The following HSD17B14 variants were observed in gnomAD, a reference collection of about 807,000 sequenced individuals.
HSD17B14 encodes the protein L-fucose dehydrogenase.
In HSD17B14, 32 loss-of-function variants were observed where a neutral mutation model predicts 32.2. That is an observed-to-expected ratio of 0.99 (90% CI 0.75 to 1.33). HSD17B14 has a LOEUF of 1.33. Among genes scored for constraint, HSD17B14 ranks in the 40% most tolerant of loss-of-function variants. HSD17B14 has a pLI of 0.00. For synonymous variants in HSD17B14, 140 were observed against 155.4 expected, an observed-to-expected ratio of 0.90 and a Z score of 0.74; for missense variants, 370 against 366.5, an observed-to-expected ratio of 1.01 and a Z score of -0.08.
At chr19:48,816,282 G>T (rs768776606) in intron 5 of HSD17B14, among the ~76,000 whole-genome samples, 10 of 152,190 alleles carry the variant, frequency 6.6e-5, no homozygotes, top group African/African-American at 2.4e-4. Context: ...CAGGCTCTCC[G>T]AGTGGGAATC....
At chr19:48,817,281 C>T (rs971156798) in intron 5 of HSD17B14, among the ~76,000 whole-genome samples, 1 of 151,006 alleles carries the variant, frequency 6.6e-6, no homozygotes, top group Non-Finnish European at 1.5e-5. Flanking sequence ...AGGTTCAAGC[C>T]CTTCTCCTGC....
chr19:48,831,356 C>T lies in HSD17B14; in HGVS notation c.369+312G>A, dbSNP rs117246119. 7.8e-3 allele frequency among the ~76,000 whole-genome samples: 1,193 copies of T among 152,218 alleles called. 4 individuals are homozygous for T. Among genetic ancestry groups the T allele is most frequent in the Non-Finnish European group, 0.013 (887 of 68,030 alleles). On this transcript the variant is annotated intron_variant, in intron 5 of 8. Coordinates refer to ENST00000263278, the MANE Select transcript of HSD17B14 (RefSeq NM_016246.3). ...ATCCCAGCACTTTGGAAGGCCAAGG[C>T]AGGCAGATCACTTGCAGTCAGAAGC...
Position 48,813,254 on chromosome 19 carries a change from A to G in HSD17B14, c.734T>C (p.Val245Ala). 6.2e-7 allele frequency: 1 copy of G among 1,609,012 alleles called. No individual in the cohort carries two copies. The highest frequency in any genetic ancestry group is 8.5e-7 in the Non-Finnish European group (1 of 1,177,876). ...GTACCCCAGCTCTGCACCCCCCGTC[A>G]CGAGCAGTTCAATGCCCGTGCAGAA... ...ANFCTGIELL[V>A]TGGAELGYGC... The change falls in exon 9 of 9, where the codon GTG becomes GCG. Residue 245 changes from valine to alanine, a missense_variant. Transcript: ENST00000263278.
At position 48,813,233 on chromosome 19, in the gene HSD17B14, C is replaced by T; in HGVS notation, c.755G>A (p.Gly252Glu). ...ELLVTGGAEL[G>E]YGCKASRSTP... ...GCTCCGACTGGCCTTGCACCCGTAC[C>T]CCAGCTCTGCACCCCCCGTCACGAG... The change falls in exon 9 of 9, where the codon GGG (glycine) becomes GAG (glutamate). Residue 252 changes from glycine (G) to glutamate (E), a missense_variant. Gly to Glu is a moderately conservative substitution (Grantham distance 98, BLOSUM62 -2). Transcript: ENST00000263278. 6.2e-7 allele frequency: 1 copy of T among 1,611,134 alleles called. No individual in the cohort carries two copies. Among genetic ancestry groups the T allele is most frequent in the Non-Finnish European group, 8.5e-7 (1 of 1,178,972 alleles).
intron 5 of HSD17B14, among the ~76,000 whole-genome samples, chr19:48,825,169 T>C (rs1224183657): frequency 7.3e-6 from 1 of 136,258 alleles, no homozygotes. Flanking sequence ...ACCCAGCAGG[T>C]GGAGGTTGCC....
chr19:48,824,793 GA>G, intron 5 of HSD17B14, among the ~76,000 whole-genome samples: 1 of 133,414 alleles, frequency 7.5e-6, no homozygotes, highest in African/African-American at 2.9e-5. Flanking sequence ...AAGAAAGAAA[GA>G]AAGAAAAGAA....
intron 5 of HSD17B14, among the ~76,000 whole-genome samples, chr19:48,822,380 T>TGGTAA (rs1326218863): frequency 1.5e-5 from 2 of 135,260 alleles, no homozygotes; most frequent in African/African-American, 2.8e-5. Context: ...GCTGATGTTG[T>TGGTAA]TGATGGTGAT....
At chr19:48,814,942 G>A in intron 6 of HSD17B14, 95 bp downstream of exon 6, 1 of 876,226 alleles carries the variant, frequency 1.1e-6, no homozygotes, top group Admixed American at 2.0e-5. Context: ...CTAGGGCCAA[G>A]ATCTTGCTAG....
At chr19:48,820,455 G>C (rs572184807) in intron 5 of HSD17B14, among the ~76,000 whole-genome samples, 3 of 151,978 alleles carry the variant, frequency 2.0e-5, no homozygotes, top group Non-Finnish European at 2.9e-5. Flanking sequence ...GGGTGAAAGA[G>C]TGAGACACCA....
chr19:48,826,528 A>AAAAAAAAAAAATATATAT (rs777368104), intron 5 of HSD17B14, among the ~76,000 whole-genome samples: 6 of 23,094 alleles, frequency 2.6e-4, no homozygotes, highest in Non-Finnish European at 4.3e-4. Context: ...AAAAGAAGAA[A>AAAAAAAAAAAATATATAT]ATATATATAT....
chr19:48,815,256 C>T (rs2035032535), intron 5 of HSD17B14, 115 bp from the exon 6 acceptor site: 2 of 759,632 alleles, frequency 2.6e-6, no homozygotes, highest in Non-Finnish European at 4.6e-6. Context: ...TGGCATGTTT[C>T]TAGTTGATCT....
intron 5 of HSD17B14, among the ~76,000 whole-genome samples, chr19:48,817,202 G>C (rs1484292407): frequency 6.8e-6 from 1 of 148,080 alleles, no homozygotes; most frequent in Non-Finnish European, 1.5e-5. Flanking sequence ...TTTTGAGACA[G>C]AGTCTCACTC....
chr19:48,821,248 C>T (rs576294801), intron 5 of HSD17B14, among the ~76,000 whole-genome samples: 3 of 151,982 alleles, frequency 2.0e-5, no homozygotes, highest in East Asian at 3.9e-4. Context: ...CTCCCGACCT[C>T]GTGATCCACC....
intron 5 of HSD17B14, among the ~76,000 whole-genome samples, chr19:48,824,802 G>T (rs1251495053): frequency 6.7e-6 from 1 of 149,044 alleles, no homozygotes; most frequent in African/African-American, 2.5e-5. Context: ...AGAAAGAAAA[G>T]AAAAGAACAA....
intron 8 of HSD17B14, 53 bp downstream of exon 8, chr19:48,813,403 G>A: frequency 1.3e-6 from 2 of 1,557,788 alleles, no homozygotes; most frequent in Non-Finnish European, 1.7e-6. Context: ...TGATCGCCAT[G>A]CCCCCCACCC....
At chr19:48,818,318 G>A (rs485953) in intron 5 of HSD17B14, among the ~76,000 whole-genome samples, 77,384 of 121,038 alleles carry the variant, frequency 0.64, 21,515 homozygotes, top group African/African-American at 0.73. Context: ...CAAAAAAAAA[G>A]AAAAAAGAAA....
chr19:48,822,178 ATGG>A (rs1171822897), intron 5 of HSD17B14, among the ~76,000 whole-genome samples: 1 of 140,882 alleles, frequency 7.1e-6, no homozygotes, highest in Non-Finnish European at 1.5e-5. Flanking sequence ...GATGGTGATG[ATGG>A]TGGTAATGAT....
rs765221767 is a variant in HSD17B14, at chr19:48,832,747, A to AAT, written c.211-17_211-16dup. 2 of 1,603,236 alleles carry AAT rather than the reference A, an allele frequency of 1.2e-6. No homozygotes were observed. The highest frequency in any genetic ancestry group is 1.7e-6 in the Non-Finnish European group (2 of 1,174,980). On this transcript the variant is annotated splice_polypyrimidine_tract_variant and intron_variant, in intron 3 of 8. Transcript: ENST00000263278. ...GAAACCAGGGTCTGAGGAGAAAGGAAATGTCCTTTGTTTTTTTTTTTTGGA... is the reference window on the plus strand; with the variant it reads ...GAAACCAGGGTCTGAGGAGAAAGGAAATATGTCCTTTGTTTTTTTTTTTTGGA...
At position 48,832,699 on chromosome 19, in the gene HSD17B14, G is replaced by A. The variant is rs781248545; in HGVS notation, c.244C>T (p.Arg82Cys). Reference protein sequence around the residue: ...LVSETIRRFGRLDCVVNNAGH... With the variant: ...LVSETIRRFGCLDCVVNNAGH... ...GCGTTGTTGACAACACAATCCAGGCGGCCAAATCGGCGGATGGTCTCAGAA... is the reference window on the plus strand; with the variant it reads ...GCGTTGTTGACAACACAATCCAGGCAGCCAAATCGGCGGATGGTCTCAGAA... The change falls in exon 4 of 9, where the codon CGC becomes TGC. Residue 82 changes from arginine (R) to cysteine (C), a missense_variant. Transcript: ENST00000263278. 203 of 1,613,364 alleles carry A rather than the reference G, an allele frequency of 1.3e-4. No individual in the cohort carries two copies. The highest frequency in any genetic ancestry group is 1.6e-4 in the Non-Finnish European group (183 of 1,179,900).
Sources: gnomAD v4.1 joint callset for allele counts (sites outside exome capture counted in the v4.1 genomes callset) on GRCh38, gnomAD v4.1.1 for gene constraint, MANE v1.5 for transcripts, NCBI Gene and HGNC (gene_info 2026-07-23, HGNC 2026-07-21) for gene names.